The following DDX60 variants were observed in gnomAD, a reference collection of about 807,000 sequenced individuals.
The protein encoded by DDX60 is probable ATP-dependent RNA helicase DDX60.
Under a neutral mutation model 212.8 loss-of-function variants are expected in DDX60, and 165 were observed. That is an observed-to-expected ratio of 0.78 (90% confidence interval 0.68 to 0.88). The LOEUF is 0.88. Among genes scored for constraint, DDX60 ranks in the 40% least tolerant of loss-of-function variants. DDX60 has a pLI of 0.00. For synonymous variants in DDX60, 703 were observed against 685.3 expected, an observed-to-expected ratio of 1.03 and a Z score of -0.40; for missense variants, 1,905 against 2,003.9, an observed-to-expected ratio of 0.95 and a Z score of 0.94.
intron 30 of DDX60, among the ~76,000 whole-genome samples, chr4:168,240,402 T>C (rs1262212321): frequency 6.6e-6 from 1 of 152,036 alleles, no homozygotes; most frequent in East Asian, 1.9e-4. Context: ...CTGCCCAGAG[T>C]AATTTATAGA....
At chr4:168,314,973 G>A (rs1001144467) in intron 1 of DDX60, among the ~76,000 whole-genome samples, 4 of 152,088 alleles carry the variant, frequency 2.6e-5, no homozygotes, top group Admixed American at 2.6e-4. Context: ...GAGAAAGACA[G>A]AAAAGGTACA....
At chr4:168,254,564 A>G (rs1734333539) in intron 26 of DDX60, among the ~76,000 whole-genome samples, 1 of 152,216 alleles carries the variant, frequency 6.6e-6, no homozygotes, top group African/African-American at 2.4e-5. Context: ...GTAATGTGCT[A>G]AGCACTAAAG....
intron 25 of DDX60, among the ~76,000 whole-genome samples, chr4:168,260,610 G>C (rs771210051): frequency 6.6e-6 from 1 of 152,084 alleles, no homozygotes; most frequent in African/African-American, 2.4e-5. Flanking sequence ...CCAGACATTC[G>C]TTAGATTCTC....
chr4:168,284,273 C>T (rs911616321), intron 12 of DDX60, among the ~76,000 whole-genome samples: 1 of 152,144 alleles, frequency 6.6e-6, no homozygotes, highest in Non-Finnish European at 1.5e-5. Flanking sequence ...CTTGCTATGC[C>T]TACTCCTAGG....
chr4:168,321,853 G>C (rs1737615612), upstream of DDX60, among the ~76,000 whole-genome samples: 1 of 152,020 alleles, frequency 6.6e-6, no homozygotes, highest in Non-Finnish European at 1.5e-5. Context: ...CAATTCAATA[G>C]AACTCAATTC....
intron 1 of DDX60, among the ~76,000 whole-genome samples, chr4:168,312,727 C>CAGATAGATAGATAGATAGACAGATAGAT (rs1553975474): frequency 6.7e-6 from 1 of 150,060 alleles, no homozygotes; most frequent in East Asian, 2.0e-4. Flanking sequence ...GATGGATACA[C>CAGATAGATAGATAGATAGACAGATAGAT]AGATAGATAG....
At chr4:168,224,094 C>T in intron 35 of DDX60, 149 bp downstream of exon 35, 1 of 794,132 alleles carries the variant, frequency 1.3e-6, no homozygotes, top group Non-Finnish European at 2.0e-6. Flanking sequence ...ACTTCAAGAG[C>T]ACCAATTCCT....
intron 3 of DDX60, among the ~76,000 whole-genome samples, chr4:168,310,386 G>T (rs1737077556): frequency 6.6e-6 from 1 of 152,084 alleles, no homozygotes; most frequent in Admixed American, 6.6e-5. Flanking sequence ...CTATTGTTAT[G>T]ATCCACTCCC....
intron 30 of DDX60, among the ~76,000 whole-genome samples, chr4:168,244,287 A>C (rs1733948982): frequency 6.6e-6 from 1 of 152,202 alleles, no homozygotes; most frequent in African/African-American, 2.4e-5. Context: ...AAAAGAAAAA[A>C]TTATTTGTCA....
chr4:168,303,827 C>A (rs979833099), intron 5 of DDX60, among the ~76,000 whole-genome samples: 1 of 152,054 alleles, frequency 6.6e-6, no homozygotes, highest in African/African-American at 2.4e-5. Flanking sequence ...ACTAAAAACA[C>A]AAAAATTGGC....
At position 168,291,352 on chromosome 4, in the gene DDX60, C is replaced by T. The variant is rs72981326; in HGVS notation, c.1041+396G>A. Among the ~76,000 whole-genome samples, 762 of 152,260 alleles carry T rather than the reference C, an allele frequency of 5.0e-3. 8 individuals are homozygous for T. Among genetic ancestry groups the T allele is most frequent in the African/African-American group, 0.018 (736 of 41,560 alleles). Reference sequence around the variant, plus strand: ...GGAAGTTTTTCTTCTGTTTTTGCTTCTATTTCTCTAAAGTATCCAAATTGT... The same window carrying T: ...GGAAGTTTTTCTTCTGTTTTTGCTTTTATTTCTCTAAAGTATCCAAATTGT... On this transcript the variant is annotated intron_variant, in intron 8 of 37. Transcript: ENST00000393743.
intron 26 of DDX60, among the ~76,000 whole-genome samples, chr4:168,254,137 C>A (rs1199733011): frequency 6.6e-6 from 1 of 152,096 alleles, no homozygotes; most frequent in African/African-American, 2.4e-5. Context: ...TAAATTCTAT[C>A]CACCTACCTT....
chr4:168,257,891 C>G (rs1734476385), intron 25 of DDX60, among the ~76,000 whole-genome samples: 1 of 152,162 alleles, frequency 6.6e-6, no homozygotes, highest in African/African-American at 2.4e-5. Flanking sequence ...CTTAGAAACA[C>G]AGTTCTTTGG....
chr4:168,273,127 AATATTACATT>A, intron 18 of DDX60, 142 bp downstream of exon 18: 1 of 776,612 alleles, frequency 1.3e-6, no homozygotes, highest in Non-Finnish European at 2.0e-6. Context: ...GAAATGTAAC[AATATTACATT>A]TTTTCTAAAA....
At position 168,217,078 on chromosome 4, in the gene DDX60, A is replaced by C. The variant is rs80220511; in HGVS notation, c.5040-46T>G. 20,075 of 1,269,754 alleles carry C rather than the reference A, an allele frequency of 0.016. 1,346 individuals carry two copies. In the East Asian group the frequency reaches 0.18, roughly 11 times the overall value. 78.7% of individuals were successfully genotyped at this position (1,269,754 alleles called of 1,614,324 possible). Reference sequence around the variant, plus strand: ...ATAGGATCCACTTTAGTGAGATTGAATATTATAAGAAAGGCTTTCCTTGGT... The same window carrying C: ...ATAGGATCCACTTTAGTGAGATTGACTATTATAAGAAAGGCTTTCCTTGGT... On this transcript the variant is annotated intron_variant, in intron 37 of 37. Transcript: ENST00000393743.
Position 168,285,510 on chromosome 4 carries a change from C to CA in DDX60, c.1340-13dup, listed in dbSNP as rs376447950. On this transcript the variant is annotated splice_polypyrimidine_tract_variant and intron_variant, in intron 10 of 37. Transcript: ENST00000393743. The stretch of plus-strand genomic sequence containing the variant: ...TTCATTGGAGCTGTCTGTAAACAAA[C>CA]AAAAAAAAATTGAGACAAGGTCAAA... The CA allele has an allele frequency of 2.7e-4, 408 of 1,531,862 alleles. No individual in the cohort carries two copies. Among genetic ancestry groups the CA allele is most frequent in the South Asian group, 6.4e-4 (52 of 81,354 alleles). 94.9% of individuals were successfully genotyped at this position (1,531,862 alleles called of 1,614,324 possible). A position where few individuals can be genotyped will look rare whatever the true frequency, so the allele number is the denominator to read the frequency against.
chr4:168,287,006 G>T, intron 10 of DDX60, 42 bp downstream of exon 10: 1 of 1,501,610 alleles, frequency 6.7e-7, no homozygotes, highest in Non-Finnish European at 9.0e-7. Context: ...CACTTTCAGA[G>T]GAATAATGCT....
chr4:168,221,103 A>G (rs1733035696), intron 36 of DDX60, among the ~76,000 whole-genome samples: 1 of 152,180 alleles, frequency 6.6e-6, no homozygotes. Context: ...AGTGCTCAAC[A>G]TCTTTGAAGA....
chr4:168,260,487 G>A (rs773935207), intron 25 of DDX60, among the ~76,000 whole-genome samples: 5 of 152,158 alleles, frequency 3.3e-5, no homozygotes, highest in Admixed American at 2.6e-4. Flanking sequence ...CAACCTTTGT[G>A]GCACCGGGGA....
Sources: allele counts gnomAD v4.1 joint callset (sites outside exome capture counted in the v4.1 genomes callset), GRCh38; gene constraint gnomAD v4.1.1; transcripts MANE v1.5; gene names NCBI Gene and HGNC (gene_info 2026-07-23, HGNC 2026-07-21).